The following SPHKAP variants were observed in gnomAD, a reference collection of about 807,000 sequenced individuals.
SPHKAP encodes SPHK1 interactor, AKAP domain containing.
In SPHKAP, 67 loss-of-function variants were observed where a neutral mutation model predicts 137.5. That is an observed-to-expected ratio of 0.49 (90% CI 0.40 to 0.60). SPHKAP has a LOEUF of 0.60. SPHKAP is among the 20% of genes least tolerant of loss of function. The pLI is 0.00. For synonymous variants in SPHKAP, 813 were observed against 785.3 expected, an observed-to-expected ratio of 1.04 and a Z score of -0.59; for missense variants, 2,097 against 2,069.3, an observed-to-expected ratio of 1.01 and a Z score of -0.26.
chr2:228,099,931 G>C (rs1698136218), intron 3 of SPHKAP, among the ~76,000 whole-genome samples: 1 of 151,708 alleles, frequency 6.6e-6, no homozygotes, highest in Non-Finnish European at 1.5e-5. Context: ...CTCACTGCAA[G>C]CTCCGCCTCC....
At chr2:228,105,068 A>T (rs1698297904) in intron 3 of SPHKAP, among the ~76,000 whole-genome samples, 1 of 152,176 alleles carries the variant, frequency 6.6e-6, no homozygotes, top group Non-Finnish European at 1.5e-5. Context: ...TCTTGAACTC[A>T]AGCAATCCTT....
In SPHKAP at chr2:228,008,730, A is replaced by G. The variant is rs1242507831; in HGVS notation, c.4448+7676T>C. Among the ~76,000 whole-genome samples the G allele has an allele frequency of 4.8e-5, 7 of 147,122 alleles. No homozygotes were observed. In the East Asian group the frequency reaches 1.4e-3, roughly 29 times the overall value. ...ATGTCCAGTTGTTTCTGTACTGTTT[A>G]TTGAAGAGACTATCTTCTCTTCAAT... On this transcript the variant is annotated intron_variant, in intron 7 of 11. Coordinates refer to ENST00000392056, the MANE Select transcript of SPHKAP (RefSeq NM_001142644.2).
rs752267009 is a variant in SPHKAP, at chr2:228,019,201, C to T, written c.1653G>A (p.Glu551=). 2 of 1,613,758 alleles carry T rather than the reference C, an allele frequency of 1.2e-6. No individual in the cohort carries two copies. Among genetic ancestry groups the T allele is most frequent in the African/African-American group, 2.7e-5 (2 of 75,046 alleles). The change falls in exon 7 of 12, where the codon GAG becomes GAA. Residue 551 remains glutamate (E), a synonymous_variant. Transcript: ENST00000392056. ...CACACAAAGCAGATGGAAAGGAGTA[C>T]TCATTGATGGAAGGTTCCTTGAGTC... The part of the protein sequence containing the change: ...PQGLKEPSIN[E]YSFPSALCGM...
intron 1 of SPHKAP, among the ~76,000 whole-genome samples, chr2:228,177,782 A>G (rs1700784783): frequency 6.6e-6 from 1 of 152,210 alleles, no homozygotes; most frequent in Admixed American, 6.5e-5. Flanking sequence ...TTAAAACAAA[A>G]TGACAGGAAG....
At position 228,018,412 on chromosome 2, in the gene SPHKAP, T is replaced by A. The variant is rs1694694963; in HGVS notation, c.2442A>T (p.Leu814Phe). ...LFKNPTLQSQ[L>F]SRSHRVPDSS... Reference sequence around the variant, plus strand: ...AATCGGGCACTCTGTGACTACGTGATAATTGTGACTGCAGCGTGGGGTTCT... The same window carrying A: ...AATCGGGCACTCTGTGACTACGTGAAAATTGTGACTGCAGCGTGGGGTTCT... The change falls in exon 7 of 12, where the codon TTA becomes TTT. Residue 814 changes from leucine (L) to phenylalanine (F), a missense_variant. Leu to Phe is a conservative substitution (Grantham distance 22). Coordinates refer to ENST00000392056, the MANE Select transcript of SPHKAP (RefSeq NM_001142644.2). 2.5e-6 allele frequency: 4 copies of A among 1,613,970 alleles called. No homozygotes were observed. In the Admixed American group the frequency reaches 5.0e-5, roughly 20 times the overall value.
intron 3 of SPHKAP, among the ~76,000 whole-genome samples, chr2:228,051,901 A>G (rs919709959): frequency 7.2e-5 from 11 of 151,996 alleles, no homozygotes; most frequent in African/African-American, 2.4e-4. Context: ...CACAAATCCT[A>G]TTGATGAGAG....
intron 3 of SPHKAP, among the ~76,000 whole-genome samples, chr2:228,108,366 T>C (rs565730224): frequency 5.3e-5 from 8 of 152,188 alleles, no homozygotes; most frequent in Non-Finnish European, 1.0e-4. Flanking sequence ...TATATTAAAA[T>C]GTATGACTGT....
Position 228,019,987 on chromosome 2 carries a change from G to A in SPHKAP, c.867C>T (p.Asn289=). The change falls in exon 7 of 12, where the codon AAC becomes AAT. Residue 289 remains asparagine, a synonymous_variant. Coordinates refer to ENST00000392056, the MANE Select transcript of SPHKAP (RefSeq NM_001142644.2). Reference sequence around the variant, plus strand: ...TCTGCAAGGCTGTGTTCTTTGTTAGGTTTTCTGGAGATCGTTCTGTTTTAA... The same window carrying A: ...TCTGCAAGGCTGTGTTCTTTGTTAGATTTTCTGGAGATCGTTCTGTTTTAA... ...PLIKTERSPE[N]LTKNTALQSL... The A allele has an allele frequency of 6.2e-7, 1 of 1,614,166 alleles. No individual in the cohort carries two copies. Among genetic ancestry groups the A allele is most frequent in the African/African-American group, 1.3e-5 (1 of 75,046 alleles).
chr2:228,042,205 C>A (rs1195749982), intron 3 of SPHKAP, among the ~76,000 whole-genome samples: 1 of 152,164 alleles, frequency 6.6e-6, no homozygotes, highest in Non-Finnish European at 1.5e-5. Context: ...TGAGTAGGAG[C>A]ACTTAACCTG....
chr2:228,002,726 T>C (rs1693956594), intron 7 of SPHKAP, among the ~76,000 whole-genome samples: 1 of 152,210 alleles, frequency 6.6e-6, no homozygotes, highest in Admixed American at 6.5e-5. Context: ...CTTTAATCCA[T>C]CTTGAATTAA....
At chr2:228,040,845 T>C (rs889932981) in intron 3 of SPHKAP, among the ~76,000 whole-genome samples, 1 of 152,242 alleles carries the variant, frequency 6.6e-6, no homozygotes, top group Non-Finnish European at 1.5e-5. Context: ...TACACTTATA[T>C]GTAATGTCTG....
intron 1 of SPHKAP, among the ~76,000 whole-genome samples, chr2:228,139,013 G>A (rs1282660749): frequency 6.6e-6 from 1 of 151,988 alleles, no homozygotes; most frequent in Non-Finnish European, 1.5e-5. Context: ...AATATAAACA[G>A]GTCATTCATT....
intron 7 of SPHKAP, among the ~76,000 whole-genome samples, chr2:228,010,275 G>T (rs188317528): frequency 6.6e-6 from 1 of 152,188 alleles, no homozygotes; most frequent in East Asian, 1.9e-4. Flanking sequence ...GCTTATAATC[G>T]CAGCATTTTG....
chr2:228,116,357 A>G (rs1181179934), intron 2 of SPHKAP, among the ~76,000 whole-genome samples: 1 of 152,152 alleles, frequency 6.6e-6, no homozygotes, highest in Non-Finnish European at 1.5e-5. Flanking sequence ...CCATTATTTA[A>G]CTGTTCAACG....
chr2:228,115,937 A>G (rs1184576660), intron 2 of SPHKAP, among the ~76,000 whole-genome samples: 2 of 152,164 alleles, frequency 1.3e-5, no homozygotes, highest in Non-Finnish European at 2.9e-5. Flanking sequence ...GCATGGAATT[A>G]GTGCCCTTAT....
intron 8 of SPHKAP, 80 bp from the exon 9 acceptor site, chr2:227,993,700 C>T (rs762399179): frequency 1.6e-5 from 20 of 1,261,428 alleles, no homozygotes; most frequent in Non-Finnish European, 2.3e-5. Flanking sequence ...CATTGTTGTA[C>T]AAGCTCCTTC....
At chr2:228,000,500 C>G (rs563972253) in intron 7 of SPHKAP, among the ~76,000 whole-genome samples, 1 of 152,122 alleles carries the variant, frequency 6.6e-6, no homozygotes, top group East Asian at 1.9e-4. Flanking sequence ...CGCCTGTAGT[C>G]CCAGCTACTC....
chr2:228,158,615 C>G (rs938495683), intron 1 of SPHKAP, among the ~76,000 whole-genome samples: 1 of 152,126 alleles, frequency 6.6e-6, no homozygotes, highest in East Asian at 1.9e-4. Flanking sequence ...AAAGGGAGAG[C>G]TATTCTTAAC....
At chr2:228,135,130 C>T (rs574946878) in intron 1 of SPHKAP, among the ~76,000 whole-genome samples, 4 of 151,980 alleles carry the variant, frequency 2.6e-5, no homozygotes, top group East Asian at 3.9e-4. Flanking sequence ...CAAAATTAGC[C>T]GGGCATGGTG....
Sources: allele counts gnomAD v4.1 joint callset (sites outside exome capture counted in the v4.1 genomes callset), GRCh38; gene constraint gnomAD v4.1.1; transcripts MANE v1.5; gene names NCBI Gene and HGNC (gene_info 2026-07-23, HGNC 2026-07-21).